The following CORO2B variants were observed in gnomAD, a reference collection of about 807,000 sequenced individuals.
The protein encoded by CORO2B is coronin 2B.
CORO2B carries 26 observed loss-of-function variants against 58.8 expected under a neutral mutation model. The observed-to-expected ratio is 0.44, with a 90% confidence interval of 0.32 to 0.61. CORO2B has a LOEUF of 0.61. Ranked by LOEUF, CORO2B falls within the 20% of genes least tolerant of loss-of-function variation. The pLI, the probability that CORO2B is intolerant of heterozygous loss-of-function variation, is 0.04. For synonymous variants in CORO2B, 242 were observed against 253.8 expected, an observed-to-expected ratio of 0.95 and a Z score of 0.44; for missense variants, 460 against 645.1, an observed-to-expected ratio of 0.71 and a Z score of 3.11.
chr15:68,619,684 T>C (rs1042830976), intron 1 of CORO2B, among the ~76,000 whole-genome samples: 6 of 152,086 alleles, frequency 3.9e-5, no homozygotes, highest in African/African-American at 1.4e-4. Flanking sequence ...TGTGTGTATA[T>C]ATATATGTAC....
intron 1 of CORO2B, among the ~76,000 whole-genome samples, chr15:68,628,863 G>A (rs990650463): frequency 6.6e-6 from 1 of 152,200 alleles, no homozygotes; most frequent in Non-Finnish European, 1.5e-5. Flanking sequence ...CTGCTGAGAG[G>A]GATGCCCTCA....
chr15:68,525,509 C>G, the CORO2B span, among the ~76,000 whole-genome samples: 1 of 152,238 alleles, frequency 6.6e-6, no homozygotes, highest in African/African-American at 2.4e-5. Flanking sequence ...TTGACAGAGC[C>G]TTTTGCAGGG....
At chr15:68,573,674 A>G in the CORO2B span, among the ~76,000 whole-genome samples, 72 of 152,332 alleles carry the variant, frequency 4.7e-4, no homozygotes, top group Non-Finnish European at 7.5e-4. Flanking sequence ...AGACCCACAT[A>G]CAGAGAAGGA....
At chr15:68,605,615 A>T (rs1900091558) in intron 1 of CORO2B, among the ~76,000 whole-genome samples, 1 of 151,974 alleles carries the variant, frequency 6.6e-6, no homozygotes, top group African/African-American at 2.4e-5. Context: ...CTGTGTAAAA[A>T]TTATTTGGAA....
intron 1 of CORO2B, among the ~76,000 whole-genome samples, chr15:68,638,624 AAGG>A (rs762813162): frequency 2.0e-5 from 3 of 152,178 alleles, no homozygotes; most frequent in Non-Finnish European, 2.9e-5. Flanking sequence ...GGAGAGGCTG[AAGG>A]AGGAGAAGAT....
the CORO2B span, among the ~76,000 whole-genome samples, chr15:68,552,612 T>C: frequency 1.3e-5 from 2 of 152,150 alleles, no homozygotes; most frequent in Non-Finnish European, 2.9e-5. Context: ...GCTGGAGCCA[T>C]GTCCTCCCCC....
chr15:68,538,398 T>C, the CORO2B span, among the ~76,000 whole-genome samples: 9 of 152,354 alleles, frequency 5.9e-5, no homozygotes, highest in Non-Finnish European at 8.8e-5. Context: ...AGTTGGGGCT[T>C]TAGACTGACA....
chr15:68,696,249 CAA>C (rs77017896), intron 3 of CORO2B, among the ~76,000 whole-genome samples: 37 of 102,532 alleles, frequency 3.6e-4, no homozygotes, highest in Admixed American at 4.3e-4. Flanking sequence ...GCCACTGTCT[CAA>C]AAAAAAAAAA....
At chr15:68,533,903 G>A in the CORO2B span, among the ~76,000 whole-genome samples, 4 of 152,046 alleles carry the variant, frequency 2.6e-5, no homozygotes, top group African/African-American at 9.7e-5. Context: ...CTTGTGCCCA[G>A]CCTCCTTACA....
At chr15:68,701,977 T>C (rs1892662937) in intron 3 of CORO2B, among the ~76,000 whole-genome samples, 1 of 151,230 alleles carries the variant, frequency 6.6e-6, no homozygotes, top group African/African-American at 2.4e-5. Context: ...GCACGGTAGC[T>C]CACGCCTGTA....
At chr15:68,592,909 T>A (rs117923299) in intron 1 of CORO2B, among the ~76,000 whole-genome samples, 2,001 of 152,334 alleles carry the variant, frequency 0.013, 16 homozygotes, top group Non-Finnish European at 0.019. Context: ...TTTAGTCCAT[T>A]TTCTGCTTCT....
chr15:68,661,124 C>T (rs1902001408), intron 2 of CORO2B, among the ~76,000 whole-genome samples: 2 of 152,036 alleles, frequency 1.3e-5, no homozygotes, highest in Admixed American at 6.6e-5. Flanking sequence ...ATTACAGGTG[C>T]CCGCCACCAT....
At chr15:68,693,981 G>A (rs754641684) in intron 2 of CORO2B, among the ~76,000 whole-genome samples, 4 of 152,126 alleles carry the variant, frequency 2.6e-5, no homozygotes, top group East Asian at 3.9e-4. Context: ...GATTACAGGC[G>A]TGTGTCACCA....
intron 2 of CORO2B, among the ~76,000 whole-genome samples, chr15:68,656,248 G>C (rs117210367): frequency 1.3e-5 from 2 of 149,812 alleles, no homozygotes; most frequent in Non-Finnish European, 3.0e-5. Context: ...GAGGAAGAAG[G>C]GTTGGTCCCA....
chr15:68,684,295 G>A (rs1362775184), intron 2 of CORO2B, among the ~76,000 whole-genome samples: 1 of 152,220 alleles, frequency 6.6e-6, no homozygotes, highest in Non-Finnish European at 1.5e-5. Flanking sequence ...CCCGCAAGGA[G>A]AAATGGACTA....
At chr15:68,531,418 A>T in the CORO2B span, among the ~76,000 whole-genome samples, 250 of 152,080 alleles carry the variant, frequency 1.6e-3, 1 homozygote, top group East Asian at 0.034. Flanking sequence ...AATCACTTGA[A>T]CCCAGGAGAT....
At chr15:68,562,408 G>T in the CORO2B span, among the ~76,000 whole-genome samples, 1 of 152,142 alleles carries the variant, frequency 6.6e-6, no homozygotes, top group Non-Finnish European at 1.5e-5. Context: ...CCCTAGGATG[G>T]TCCTGATTTT....
intron 2 of CORO2B, among the ~76,000 whole-genome samples, chr15:68,685,198 A>G (rs956913564): frequency 3.9e-5 from 6 of 152,184 alleles, no homozygotes; most frequent in Non-Finnish European, 7.3e-5. Context: ...CCTGTATTAA[A>G]TGTGCATGAT....
At chr15:68,606,522 A>G (rs1274079032) in intron 1 of CORO2B, among the ~76,000 whole-genome samples, 1 of 152,170 alleles carries the variant, frequency 6.6e-6, no homozygotes, top group Non-Finnish European at 1.5e-5. Context: ...TGAATGGTAC[A>G]GTTGTTGGTC....
Sources: allele counts gnomAD v4.1 joint callset (sites outside exome capture counted in the v4.1 genomes callset), GRCh38; gene constraint gnomAD v4.1.1; transcripts MANE v1.5; gene names NCBI Gene and HGNC (gene_info 2026-07-23, HGNC 2026-07-21).